NELL2: variants seen among roughly 807,000 people sequenced by gnomAD.
NELL2 encodes protein kinase C-binding protein NELL2.
NELL2 carries 41 observed loss-of-function variants against 109.6 expected under a neutral mutation model. The ratio of observed to expected loss-of-function variants is 0.37; its 90% confidence interval spans 0.29 to 0.49. NELL2 has a LOEUF of 0.49. Among genes scored for constraint, NELL2 ranks in the 20% least tolerant of loss-of-function variants. The pLI is 0.98. For synonymous variants in NELL2, 355 were observed against 344.7 expected (o/e 1.03, Z -0.33); for missense variants, 900 against 1,008.3 (o/e 0.89, Z 1.45).
At chr12:44,720,075 T>C (rs1722436512) in intron 9 of NELL2, among the ~76,000 whole-genome samples, 1 of 152,178 alleles carries the variant, frequency 6.6e-6, no homozygotes, top group Admixed American at 6.5e-5. Flanking sequence ...TTCTTAACAA[T>C]ATGGTCATAA....
chr12:44,879,532 G>GA (rs1257073055), upstream of NELL2, among the ~76,000 whole-genome samples: 2 of 151,874 alleles, frequency 1.3e-5, no homozygotes, highest in Non-Finnish European at 2.9e-5. Context: ...CCAGGTGCTA[G>GA]AAAAAAGACA....
At chr12:44,787,824 A>C (rs1343541373) in intron 3 of NELL2, among the ~76,000 whole-genome samples, 1 of 152,182 alleles carries the variant, frequency 6.6e-6, no homozygotes, top group Non-Finnish European at 1.5e-5. Flanking sequence ...TGGATCACAA[A>C]CTTAAATATA....
At chr12:44,560,452 G>T (rs112622907) in intron 15 of NELL2, among the ~76,000 whole-genome samples, 3 of 152,050 alleles carry the variant, frequency 2.0e-5, no homozygotes, top group African/African-American at 7.2e-5. Flanking sequence ...AAGAAGAAAA[G>T]AGAGAAGAGT....
intron 2 of NELL2, among the ~76,000 whole-genome samples, chr12:44,816,876 G>A (rs1376126): frequency 0.8 from 121,144 of 152,148 alleles, 48,792 homozygotes; most frequent in Middle Eastern, 0.94. Flanking sequence ...CAGATTATAT[G>A]GGGAAACAGA....
intron 13 of NELL2, among the ~76,000 whole-genome samples, chr12:44,614,017 T>A (rs962643642): frequency 6.6e-6 from 1 of 152,038 alleles, no homozygotes; most frequent in South Asian, 2.1e-4. Flanking sequence ...TATGTTCCAA[T>A]GTTTAAGAAG....
At chr12:44,916,207 A>T (rs1224078386), upstream of NELL2, among the ~76,000 whole-genome samples, 1 of 152,232 alleles carries the variant, frequency 6.6e-6, no homozygotes, top group African/African-American at 2.4e-5. Context: ...AAAGCTGCAA[A>T]TAACTGCAGA....
At chr12:44,868,526 T>A (rs1945074467) in intron 2 of NELL2, among the ~76,000 whole-genome samples, 2 of 152,190 alleles carry the variant, frequency 1.3e-5, no homozygotes, top group Admixed American at 1.3e-4. Context: ...AAAGAAAATG[T>A]GGTATATGTA....
Position 44,862,183 on chromosome 12 carries a change from C to T in NELL2, c.184+13042G>A, listed in dbSNP as rs1368844669. ...TTTAACTCTTTTCCCATTTGCCCCACGAATACTCACCAGCAGCGCTTGCAG... is the reference window on the plus strand; with the variant it reads ...TTTAACTCTTTTCCCATTTGCCCCATGAATACTCACCAGCAGCGCTTGCAG... On this transcript the variant is annotated intron_variant, in intron 2 of 19. Coordinates refer to ENST00000429094, the MANE Select transcript of NELL2 (RefSeq NM_001145108.2). Among the ~76,000 whole-genome samples the T allele has an allele frequency of 2.6e-5, 4 of 152,176 alleles. No homozygotes were observed. In the East Asian group the frequency reaches 7.7e-4, roughly 29 times the overall value.
intron 12 of NELL2, among the ~76,000 whole-genome samples, chr12:44,692,348 A>G (rs1281493193): frequency 6.6e-6 from 1 of 152,180 alleles, no homozygotes; most frequent in Non-Finnish European, 1.5e-5. Flanking sequence ...TTCAGAATAA[A>G]GAAGTATTCC....
At chr12:44,649,091 T>C (rs2136313450) in intron 13 of NELL2, among the ~76,000 whole-genome samples, 1 of 152,160 alleles carries the variant, frequency 6.6e-6, no homozygotes, top group East Asian at 1.9e-4. Flanking sequence ...ATTTTCATAA[T>C]GCTTTGAACA....
intron 19 of NELL2, among the ~76,000 whole-genome samples, chr12:44,515,593 T>C (rs1227408050): frequency 6.6e-6 from 1 of 151,944 alleles, no homozygotes; most frequent in Non-Finnish European, 1.5e-5. Context: ...TCAAACTATA[T>C]ACTTAACTGT....
At chr12:44,525,853 G>C (rs1294764965) in intron 16 of NELL2, among the ~76,000 whole-genome samples, 1 of 151,952 alleles carries the variant, frequency 6.6e-6, no homozygotes. Flanking sequence ...TTCTTTTTTT[G>C]TCTATACATT....
chr12:44,708,288 C>G (rs780472862), intron 11 of NELL2, among the ~76,000 whole-genome samples: 28 of 152,174 alleles, frequency 1.8e-4, no homozygotes, highest in Non-Finnish European at 3.4e-4. Flanking sequence ...ACCTAGAACA[C>G]AGTCTTGGGT....
chr12:44,798,900 T>C (rs541213592), intron 3 of NELL2, among the ~76,000 whole-genome samples: 2 of 151,342 alleles, frequency 1.3e-5, no homozygotes, highest in East Asian at 1.9e-4. Context: ...GAGGGATCAG[T>C]TGGCTATTCA....
Position 44,714,631 on chromosome 12 carries a change from C to A in NELL2, c.1086+19G>T, listed in dbSNP as rs750875687. 4.8e-6 allele frequency: 7 copies of A among 1,462,592 alleles called. No homozygotes were observed. Among genetic ancestry groups the A allele is most frequent in the East Asian group, 2.4e-5 (1 of 41,142 alleles). 90.6% of individuals were successfully genotyped at this position (1,462,592 alleles called of 1,614,324 possible). On this transcript the variant is annotated intron_variant, in intron 10 of 19. Transcript: ENST00000429094. ...ATAAATAGAAACAATTTTGAAAGAC[C>A]CACGAATAGTCTTCTTACCTTGCAC...
rs145115837 is a variant in NELL2, at chr12:44,703,838, A to C, written c.1206T>G (p.Ser402=). The C allele has an allele frequency of 6.7e-5, 108 of 1,612,798 alleles. No homozygotes were observed. In the African/African-American group the frequency reaches 1.2e-3, roughly 18 times the overall value. The change falls in exon 12 of 20, where the codon TCT becomes TCG. Residue 402 remains serine, a synonymous_variant. Transcript: ENST00000429094. Reference sequence around the variant, plus strand: ...AATTCTCCATGCAGTTATGCCTTTCAGAACAAAAGTCATAACCTACAGAAA... The same window carrying C: ...AATTCTCCATGCAGTTATGCCTTTCCGAACAAAAGTCATAACCTACAGAAA... ...CKVCKGYDFC[S]ERHNCMENSI...
chr12:44,616,153 T>C (rs1201847960), intron 13 of NELL2, among the ~76,000 whole-genome samples: 1 of 152,162 alleles, frequency 6.6e-6, no homozygotes, highest in Non-Finnish European at 1.5e-5. Flanking sequence ...GACACCTTTA[T>C]ACACTAGATT....
At chr12:44,804,172 T>C (rs1015124242) in intron 3 of NELL2, among the ~76,000 whole-genome samples, 4 of 151,880 alleles carry the variant, frequency 2.6e-5, no homozygotes, top group Non-Finnish European at 5.9e-5. Flanking sequence ...CATCCCACAA[T>C]CAAGTGTAAT....
At chr12:44,818,668 T>C (rs1193717348) in intron 2 of NELL2, among the ~76,000 whole-genome samples, 1 of 152,018 alleles carries the variant, frequency 6.6e-6, no homozygotes, top group African/African-American at 2.4e-5. Flanking sequence ...TATTATTCAC[T>C]ATTGCTTTTG....
Sources: allele counts gnomAD v4.1 joint callset (sites outside exome capture counted in the v4.1 genomes callset), GRCh38; gene constraint gnomAD v4.1.1; transcripts MANE v1.5; gene names NCBI Gene and HGNC (gene_info 2026-07-23, HGNC 2026-07-21).